SPOCK3: variants seen among roughly 807,000 people sequenced by gnomAD.
SPOCK3 encodes testican-3.
SPOCK3 carries 30 observed loss-of-function variants against 56.6 expected under a neutral mutation model. The ratio of observed to expected loss-of-function variants is 0.53; its 90% CI spans 0.40 to 0.72. SPOCK3 has a LOEUF of 0.72. Ranked by LOEUF, SPOCK3 falls within the 30% of genes least tolerant of loss-of-function variation. SPOCK3 has a pLI of 0.00. For synonymous variants in SPOCK3, 196 were observed against 183.3 expected (o/e 1.07, Z -0.56); for missense variants, 527 against 530.0 (o/e 0.99, Z 0.06).
chr4:166,953,342 C>G (rs1333004168), intron 4 of SPOCK3, among the ~76,000 whole-genome samples: 19 of 152,218 alleles, frequency 1.2e-4, no homozygotes, highest in South Asian at 6.2e-4. Flanking sequence ...AAATGCTCAC[C>G]ATCACTGGCC....
chr4:167,037,841 C>T (rs1752900625), intron 3 of SPOCK3, among the ~76,000 whole-genome samples: 1 of 152,216 alleles, frequency 6.6e-6, no homozygotes, highest in Non-Finnish European at 1.5e-5. Flanking sequence ...AACTTGTCTG[C>T]ACATCTAATT....
At chr4:166,825,286 C>A (rs899260716) in intron 6 of SPOCK3, among the ~76,000 whole-genome samples, 1 of 151,988 alleles carries the variant, frequency 6.6e-6, no homozygotes, top group Non-Finnish European at 1.5e-5. Flanking sequence ...TATTAAGATT[C>A]TCTTATTGTT....
chr4:167,025,219 TGC>T (rs1199675987), intron 3 of SPOCK3, among the ~76,000 whole-genome samples: 2 of 143,438 alleles, frequency 1.4e-5, no homozygotes, highest in African/African-American at 5.0e-5. Context: ...GGCCACTGAA[TGC>T]TTTTTTTTTT....
intron 6 of SPOCK3, among the ~76,000 whole-genome samples, chr4:166,794,870 T>C (rs1012851043): frequency 4.6e-5 from 7 of 152,112 alleles, no homozygotes; most frequent in Non-Finnish European, 8.8e-5. Context: ...CTCGAACTCC[T>C]GACCTCAGGT....
chr4:166,929,046 C>T (rs892323942), intron 4 of SPOCK3, among the ~76,000 whole-genome samples: 1 of 152,036 alleles, frequency 6.6e-6, no homozygotes, highest in Admixed American at 6.6e-5. Flanking sequence ...ATGGACTGTA[C>T]CAAATGCACC....
At chr4:167,178,554 T>C (rs958224725) in intron 2 of SPOCK3, among the ~76,000 whole-genome samples, 3 of 152,188 alleles carry the variant, frequency 2.0e-5, no homozygotes, top group African/African-American at 7.2e-5. Context: ...TTGGAATACG[T>C]TTGTAATATA....
At chr4:166,741,754 T>A (rs552903776) in intron 9 of SPOCK3, among the ~76,000 whole-genome samples, 1 of 152,284 alleles carries the variant, frequency 6.6e-6, no homozygotes, top group East Asian at 1.9e-4. Flanking sequence ...ATTGCTTAAA[T>A]CTTTCTTTTT....
intron 2 of SPOCK3, among the ~76,000 whole-genome samples, chr4:167,201,139 G>T (rs544560700): frequency 1.3e-5 from 2 of 152,036 alleles, no homozygotes; most frequent in South Asian, 2.1e-4. Flanking sequence ...AGTTCTAAGA[G>T]AAAAGTCAAG....
At chr4:167,084,743 G>T (rs969201844) in intron 2 of SPOCK3, among the ~76,000 whole-genome samples, 3 of 151,608 alleles carry the variant, frequency 2.0e-5, no homozygotes, top group East Asian at 3.9e-4. Context: ...AAGTTAGAAT[G>T]AAAGTAAATA....
intron 3 of SPOCK3, among the ~76,000 whole-genome samples, chr4:167,026,988 C>T (rs1751756568): frequency 6.6e-6 from 1 of 151,772 alleles, no homozygotes; most frequent in Admixed American, 6.6e-5. Context: ...ATAATTTTCT[C>T]CCTGAACTGT....
intron 4 of SPOCK3, among the ~76,000 whole-genome samples, chr4:166,973,747 T>C (rs142735238): frequency 0.013 from 1,934 of 152,270 alleles, 20 homozygotes; most frequent in Non-Finnish European, 0.019. Flanking sequence ...TGATCACAAG[T>C]TGATTTAATG....
At chr4:166,992,416 T>G (rs543225842) in intron 4 of SPOCK3, among the ~76,000 whole-genome samples, 1 of 152,328 alleles carries the variant, frequency 6.6e-6, no homozygotes, top group South Asian at 2.1e-4. Flanking sequence ...ATAGTTTTTC[T>G]CAGTTCTTTC....
intron 4 of SPOCK3, among the ~76,000 whole-genome samples, chr4:166,990,450 A>G (rs1349229083): frequency 6.6e-6 from 1 of 152,136 alleles, no homozygotes; most frequent in Non-Finnish European, 1.5e-5. Flanking sequence ...AGAAAATAGT[A>G]AAATAAAGCA....
chr4:167,225,774 G>GA (rs111257132), intron 2 of SPOCK3, among the ~76,000 whole-genome samples: 19,791 of 146,906 alleles, frequency 0.13, 1,578 homozygotes, highest in African/African-American at 0.22. Context: ...CGCATGTTAA[G>GA]AAAAAAAAAA....
chr4:167,176,974 A>C (rs1466277525), intron 2 of SPOCK3, among the ~76,000 whole-genome samples: 1 of 152,180 alleles, frequency 6.6e-6, no homozygotes, highest in Non-Finnish European at 1.5e-5. Flanking sequence ...TGAGCAAATC[A>C]GTTGATGAAG....
intron 8 of SPOCK3, chr4:166,754,056 G>A (rs1000021581): frequency 3.8e-5 from 36 of 937,060 alleles, no homozygotes; most frequent in Non-Finnish European, 4.3e-5. Context: ...AATCACATGA[G>A]TAAAAATAAC....
intron 2 of SPOCK3, among the ~76,000 whole-genome samples, chr4:167,090,307 C>T (rs1053766184): frequency 1.4e-4 from 21 of 151,582 alleles, no homozygotes; most frequent in African/African-American, 3.9e-4. Flanking sequence ...TTTTTCTTTT[C>T]ACCCCATTTT....
intron 7 of SPOCK3, among the ~76,000 whole-genome samples, chr4:166,791,033 C>G (rs1015416037): frequency 1.3e-5 from 2 of 151,984 alleles, no homozygotes; most frequent in African/African-American, 4.8e-5. Context: ...ACCAATAAAT[C>G]CAGAGATAAG....
chr4:167,049,897 T>C (rs1034180771), intron 3 of SPOCK3, among the ~76,000 whole-genome samples: 3 of 152,066 alleles, frequency 2.0e-5, no homozygotes, highest in Admixed American at 6.6e-5. Context: ...ATACTCTGAG[T>C]TGAGAAATAA....
Sources: allele counts gnomAD v4.1 joint callset (sites outside exome capture counted in the v4.1 genomes callset), GRCh38; gene constraint gnomAD v4.1.1; transcripts MANE v1.5; gene names NCBI Gene and HGNC (gene_info 2026-07-23, HGNC 2026-07-21).